Variants in NFX1 observed in about 807,000 individuals in gnomAD.
NFX1 encodes the protein transcriptional repressor NF-X1.
Under a neutral mutation model 137.2 loss-of-function variants are expected in NFX1, and 69 were observed. That is an observed-to-expected ratio of 0.50 (90% CI 0.41 to 0.61). The LOEUF (loss-of-function observed/expected upper bound fraction) is 0.61. Ranked by LOEUF, NFX1 falls within the 20% of genes least tolerant of loss-of-function variation. The pLI is 0.00. For missense variants in NFX1, 1,167 were observed against 1,391.0 expected (o/e 0.84, Z 2.56); for synonymous variants, 495 against 474.1 (o/e 1.04, Z -0.57).
Position 33,295,388 on chromosome 9 carries a change from A to G in NFX1, c.994A>G (p.Lys332Glu). 1 of 1,614,070 alleles carries G rather than the reference A, an allele frequency of 6.2e-7. No homozygotes were observed. The highest frequency in any genetic ancestry group is 1.7e-5 in the Admixed American group (1 of 60,026). The change falls in exon 2 of 24, where the codon AAA becomes GAA. Residue 332 changes from lysine (K) to glutamate (E), a missense_variant. Around this residue, in one of 3 missense-constraint regions of NFX1, gnomAD observed 488 missense variants for 691.5 expected, o/e 0.71. Coordinates refer to ENST00000379540, the MANE Select transcript of NFX1 (RefSeq NM_002504.6). ...AGTAGTATCTCCTTTCTCCCGAGGC[A>G]AACAGAACCATGTGCTAAAGAATGT... Reference protein sequence around the residue: ...PQVVSPFSRGKQNHVLKNVET... With the variant: ...PQVVSPFSRGEQNHVLKNVET...
At chr9:33,303,819 C>G (rs1821660519) in intron 4 of NFX1, among the ~76,000 whole-genome samples, 2 of 152,132 alleles carry the variant, frequency 1.3e-5, no homozygotes, top group South Asian at 4.1e-4. Flanking sequence ...GCTGCTAGCC[C>G]ATTTCTGCAT....
At chr9:33,353,994 T>C (rs1823731333) in intron 17 of NFX1, 92 bp from the exon 18 acceptor site, 2 of 1,211,024 alleles carry the variant, frequency 1.7e-6, no homozygotes, top group South Asian at 1.6e-5. Context: ...CTGGCCTAGA[T>C]TTGCTTTTAA....
intron 18 of NFX1, 64 bp from the exon 19 acceptor site, chr9:33,354,787 C>T (rs1823757118): frequency 2.1e-6 from 3 of 1,455,440 alleles, no homozygotes; most frequent in African/African-American, 2.8e-5. Context: ...ACTTCCTTTT[C>T]TTGCTGGATG....
chr9:33,294,520 G>A lies in NFX1; in HGVS notation c.126G>A (p.Arg42=). The A allele has an allele frequency of 6.2e-7, 1 of 1,614,150 alleles. No homozygotes were observed. Among genetic ancestry groups the A allele is most frequent in the Non-Finnish European group, 8.5e-7 (1 of 1,180,026 alleles). The change falls in exon 2 of 24, where the codon AGG becomes AGA. Residue 42 remains arginine, a synonymous_variant. Transcript: ENST00000379540. ...CTCAAAGGAGACTAGACTCTAATAG[G>A]ATTGGTAGAAGAAATTACAGTTCAC... ...CGTQRRLDSN[R]IGRRNYSSPP...
chr9:33,301,087 G>A (rs565140361), intron 2 of NFX1, among the ~76,000 whole-genome samples, 176 bp from the exon 3 acceptor site: 7 of 152,280 alleles, frequency 4.6e-5, no homozygotes, highest in African/African-American at 1.4e-4. Context: ...GCAAATTCCT[G>A]CCCCTTTTTG....
At position 33,313,793 on chromosome 9, in the gene NFX1, G is replaced by T; in HGVS notation, c.1588G>T (p.Val530Leu). 1 of 1,612,702 alleles carries T rather than the reference G, an allele frequency of 6.2e-7. No individual in the cohort carries two copies. The highest frequency in any genetic ancestry group is 8.5e-7 in the Non-Finnish European group (1 of 1,179,070). Residue 530 changes from valine to leucine, a missense_variant and splice_region_variant, in exon 7 of 24, where the codon GTA (valine) becomes TTA (leucine). Transcript: ENST00000379540. The part of the protein sequence containing the change: ...CQPCQIILNQ[V>L]CYCGSTSRDV... The stretch of plus-strand genomic sequence containing the variant: ...GCCTTGCCAGATCATTTTGAACCAG[G>T]GTAAGTGGTGGGCACACCAGCTAGC...
Sources: allele counts gnomAD v4.1 joint callset (sites outside exome capture counted in the v4.1 genomes callset), GRCh38; gene constraint gnomAD v4.1.1; regional missense constraint gnomAD v4.1.1; transcripts MANE v1.5; gene names NCBI Gene and HGNC (gene_info 2026-07-23, HGNC 2026-07-21).